The following PHF19 variants were observed in gnomAD, a reference collection of about 807,000 sequenced individuals.
The protein encoded by PHF19 is PHD finger protein 19.
PHF19 carries 21 observed loss-of-function variants against 79.8 expected under a neutral mutation model. That is an observed-to-expected ratio of 0.26 (90% CI 0.19 to 0.38). The LOEUF (loss-of-function observed/expected upper bound fraction) is 0.38, where lower values mean the gene tolerates loss of function less well. Ranked by LOEUF, PHF19 falls within the 10% of genes least tolerant of loss-of-function variation. PHF19 has a pLI of 1.00. For synonymous variants in PHF19, 273 were observed against 296.3 expected (o/e 0.92, Z 0.81); for missense variants, 445 against 744.2 (o/e 0.60, Z 4.68).
rs918580800 is a variant in PHF19 at position 120,858,395 on chromosome 9, G to T, written c.1401-109C>A. 3.8e-6 allele frequency: 3 copies of T among 784,476 alleles called. 1 individual carries two copies. The South Asian group carries it at 6.4e-5, about 17-fold the overall frequency. 48.6% of individuals were successfully genotyped at this position (784,476 alleles called of 1,614,324 possible). ...TACCAGGAAAGTGGAAGAGAAAAGCGCTGAACAGCATTCTCTTATCCATCT... is the reference window on the plus strand; with the variant it reads ...TACCAGGAAAGTGGAAGAGAAAAGCTCTGAACAGCATTCTCTTATCCATCT... On this transcript the variant is annotated intron_variant, in intron 14 of 14. Coordinates refer to ENST00000373896, the MANE Select transcript of PHF19 (RefSeq NM_015651.3).
chr9:120,874,155 C>G lies in PHF19; in HGVS notation c.187-95G>C. The G allele has an allele frequency of 1.4e-6, 1 of 718,004 alleles. No homozygotes were observed. The highest frequency in any genetic ancestry group is 2.5e-6 in the Non-Finnish European group (1 of 399,098). The allele number at this position is 718,004 out of a possible 1,614,324, so 44.5% of individuals were successfully genotyped here. On this transcript the variant is annotated intron_variant, in intron 2 of 14. Coordinates refer to ENST00000373896, the MANE Select transcript of PHF19 (RefSeq NM_015651.3). The surrounding 1 kb of genome is among the most constrained non-coding windows in gnomAD (Gnocchi z 4.5). ...TCCCCCATTTTTGTCTCCGTATGTTCCAGAAAGCAGGGCTAGAAGGGGAAG... is the reference window on the plus strand; with the variant it reads ...TCCCCCATTTTTGTCTCCGTATGTTGCAGAAAGCAGGGCTAGAAGGGGAAG...
chr9:120,865,966 G>C, intron 8 of PHF19, 62 bp downstream of exon 8: 1 of 1,560,490 alleles, frequency 6.4e-7, no homozygotes, highest in Non-Finnish European at 8.8e-7. Flanking sequence ...GTTCCAGGAG[G>C]GAGGAGGGAG....
upstream of PHF19, among the ~76,000 whole-genome samples, chr9:120,877,493 G>C (rs1316433107): frequency 6.6e-6 from 1 of 150,520 alleles, no homozygotes; most frequent in East Asian, 1.9e-4. Flanking sequence ...GCCAGGACCC[G>C]GGCCCCCCGC....
intron 1 of PHF19, among the ~76,000 whole-genome samples, chr9:120,890,973 GACAA>G (rs1359014539): frequency 6.6e-6 from 1 of 152,078 alleles, no homozygotes; most frequent in African/African-American, 2.4e-5. Flanking sequence ...ACCCAGGTGC[GACAA>G]ACAACCTTCA....
rs115835317 is a variant in PHF19 at position 120,887,530 on chromosome 9, C to T, written c.42+7258G>A. ...ACTCAAGCATCAATTCCTGCTGAGT[C>T]GCCAGCCTGCTGGCCTGCCCTATAG... On this transcript the variant is annotated intron_variant, in intron 1 of 14. Transcript: ENST00000616568. Among the ~76,000 whole-genome samples, 1,084 of 152,256 alleles carry T rather than the reference C, an allele frequency of 7.1e-3. 10 individuals carry two copies. The highest frequency in any genetic ancestry group is 0.025 in the African/African-American group (1,028 of 41,534).
intron 9 of PHF19, among the ~76,000 whole-genome samples, chr9:120,864,620 T>C (rs985545193): frequency 6.6e-6 from 1 of 152,062 alleles, no homozygotes; most frequent in African/African-American, 2.4e-5. Context: ...TGGGAGGAGG[T>C]TGCAGTGAGC....
intron 9 of PHF19, among the ~76,000 whole-genome samples, chr9:120,865,466 G>T (rs2045671181): frequency 6.6e-6 from 1 of 152,236 alleles, no homozygotes; most frequent in Non-Finnish European, 1.5e-5. Context: ...GCAGAGAGCT[G>T]TGTTCCAGCC....
chr9:120,876,985 C>G, intron 1 of PHF19, 106 bp downstream of exon 1: 1 of 958,578 alleles, frequency 1.0e-6, no homozygotes, highest in Non-Finnish European at 1.2e-6. Context: ...TCTCACCCCC[C>G]GGAGGCGTTC....
At chr9:120,884,026 G>A (rs1588133784) in intron 1 of PHF19, among the ~76,000 whole-genome samples, 1 of 152,118 alleles carries the variant, frequency 6.6e-6, no homozygotes, top group African/African-American at 2.4e-5. Context: ...GGACTCACTG[G>A]TCAATATATG....
At chr9:120,876,322 CGG>C (rs2046049763) in intron 1 of PHF19, 5 of 152,216 alleles carry the variant, frequency 3.3e-5, no homozygotes, top group Admixed American at 3.3e-4. Context: ...CCCGCCCGCC[CGG>C]CCAGGGGCCA....
chr9:120,894,825 A>G, exon 1 of PHF19: 12 of 1,229,932 alleles, frequency 9.8e-6, no homozygotes, highest in Non-Finnish European at 1.2e-5. Flanking sequence ...TACCAAGACC[A>G]GCATAGTGCA....
In PHF19 at chr9:120,866,275, C is replaced by T. The variant is rs546412364; in HGVS notation, c.711-179G>A. On this transcript the variant is annotated intron_variant, in intron 7 of 14. Transcript: ENST00000373896. The surrounding 1 kb of genome is among the most constrained non-coding windows in gnomAD (Gnocchi z 5.2). ...CAGGGACTAAGAGATACCCCATATTCCTTCTAACCCATGCCCTCAATCTCC... is the reference window on the plus strand; with the variant it reads ...CAGGGACTAAGAGATACCCCATATTTCTTCTAACCCATGCCCTCAATCTCC... Among the ~76,000 whole-genome samples, 2 of 152,248 alleles carry T rather than the reference C, an allele frequency of 1.3e-5. No individual in the cohort carries two copies. The highest frequency in any genetic ancestry group is 6.5e-5 in the Admixed American group (1 of 15,290).
At position 120,874,562 on chromosome 9, in the gene PHF19, G is replaced by T. The variant is rs1169047483; in HGVS notation, c.180C>A (p.Ile60=). The change falls in exon 2 of 15, where the codon ATC becomes ATA. Residue 60 remains isoleucine, a synonymous_variant. Transcript: ENST00000373896. The surrounding 1 kb of genome is among the most constrained non-coding windows in gnomAD (Gnocchi z 4.5). ...WTDGLYYLGK[I]KRVSSSKQSC... is the part of the protein sequence containing the mutation. ...CCAGAGAGGATGGGTTTACCCTCTT[G>T]ATCTTCCCGAGGTAGTACAGGCCAT... 2 of 1,606,102 alleles carry T rather than the reference G, an allele frequency of 1.2e-6. No individual in the cohort carries two copies. Among genetic ancestry groups the T allele is most frequent in the Non-Finnish European group, 1.7e-6 (2 of 1,172,766 alleles).
chr9:120,869,053 A>G lies in PHF19; in HGVS notation c.614+129T>C. The G allele has an allele frequency of 1.2e-6, 1 of 858,654 alleles. No individual in the cohort carries two copies. Among genetic ancestry groups the G allele is most frequent in the Non-Finnish European group, 1.5e-6 (1 of 656,564 alleles). The allele number at this position is 858,654 out of a possible 1,614,324, so 53.2% of individuals were successfully genotyped here. A position where few individuals can be genotyped will look rare whatever the true frequency, so the allele number is the denominator to read the frequency against. Reference sequence around the variant, plus strand: ...CTCGAGGCCCCGCCCCCACAGCGCAACACACTGGGCCCGCCCTCAAGGTCC... The same window carrying G: ...CTCGAGGCCCCGCCCCCACAGCGCAGCACACTGGGCCCGCCCTCAAGGTCC... On this transcript the variant is annotated intron_variant, in intron 6 of 14. Transcript: ENST00000373896. The surrounding 1 kb of genome is among the most constrained non-coding windows in gnomAD (Gnocchi z 5.8).
At chr9:120,901,816 C>G in the PHF19 span, among the ~76,000 whole-genome samples, 1 of 152,146 alleles carries the variant, frequency 6.6e-6, no homozygotes, top group Non-Finnish European at 1.5e-5. Context: ...TTCTGATGCC[C>G]CAGTCAAGTC....
chr9:120,861,814 G>A (rs1588092103), intron 12 of PHF19, 104 bp downstream of exon 12: 2 of 814,682 alleles, frequency 2.5e-6, no homozygotes, highest in East Asian at 4.8e-5. Context: ...TAAGGGACAT[G>A]AGAGAGTCCT....
At chr9:120,859,438 T>G (rs1214826859) in intron 14 of PHF19, among the ~76,000 whole-genome samples, 1 of 152,008 alleles carries the variant, frequency 6.6e-6, no homozygotes, top group African/African-American at 2.4e-5. Context: ...TACTTTTAAT[T>G]CTACTTTTGC....
chr9:120,902,882 G>A, the PHF19 span: 2 of 152,216 alleles, frequency 1.3e-5, no homozygotes, highest in Admixed American at 1.3e-4. Flanking sequence ...ACAGTTAACA[G>A]GTGCAGGTGT....
chr9:120,896,790 A>T (rs2046406470), upstream of PHF19, among the ~76,000 whole-genome samples: 1 of 152,118 alleles, frequency 6.6e-6, no homozygotes, highest in South Asian at 2.1e-4. Context: ...AACCCACTTC[A>T]TTTGGAGATG....
Sources: allele counts gnomAD v4.1 joint callset (sites outside exome capture counted in the v4.1 genomes callset), GRCh38; gene constraint gnomAD v4.1.1; non-coding constraint Gnocchi (gnomAD v3.1); transcripts MANE v1.5; gene names NCBI Gene and HGNC (gene_info 2026-07-23, HGNC 2026-07-21).